Variants in NFATC3 observed in about 807,000 individuals in gnomAD.
NFATC3 encodes nuclear factor of activated T cells 3.
A neutral mutation model predicts 98.6 loss-of-function variants in NFATC3; 46 were observed. The observed-to-expected ratio is 0.47, with a 90% CI of 0.37 to 0.60. The LOEUF (loss-of-function observed/expected upper bound fraction) is 0.60, where lower values mean the gene tolerates loss of function less well. Ranked by LOEUF, NFATC3 falls within the 20% of genes least tolerant of loss-of-function variation. The probability of loss-of-function intolerance (pLI) is 0.00; values close to 1 mark genes in which losing one functional copy is unlikely to be tolerated. For synonymous variants in NFATC3, 512 were observed against 472.2 expected, an observed-to-expected ratio of 1.08 and a Z score of -1.09; for missense variants, 1,256 against 1,295.5, an observed-to-expected ratio of 0.97 and a Z score of 0.47.
chr16:68,171,715 T>G (rs897557305), intron 5 of NFATC3, among the ~76,000 whole-genome samples: 19 of 152,248 alleles, frequency 1.2e-4, no homozygotes, highest in East Asian at 9.6e-4. Flanking sequence ...CCTCAGGTGA[T>G]CCACCTGCCT....
chr16:68,183,391 T>A (rs2040026359), intron 8 of NFATC3, 25 bp downstream of exon 8: 3 of 1,605,568 alleles, frequency 1.9e-6, no homozygotes, highest in Non-Finnish European at 2.5e-6. Flanking sequence ...GATGGTTTAC[T>A]ATAGAGCTTT....
intron 4 of NFATC3, among the ~76,000 whole-genome samples, chr16:68,163,847 G>A (rs1267841861): frequency 6.6e-6 from 1 of 151,336 alleles, no homozygotes; most frequent in Non-Finnish European, 1.5e-5. Flanking sequence ...ATGGGATGGC[G>A]GCCGGGAAGA....
intron 5 of NFATC3, among the ~76,000 whole-genome samples, chr16:68,173,662 C>T (rs375607773): frequency 4.6e-5 from 7 of 152,102 alleles, no homozygotes; most frequent in East Asian, 1.9e-4. Flanking sequence ...CTTCATTGCA[C>T]GCAATATAAT....
intron 9 of NFATC3, chr16:68,209,770 G>A (rs1008302445): frequency 2.8e-5 from 13 of 460,668 alleles, no homozygotes; most frequent in Non-Finnish European, 4.2e-5. Flanking sequence ...TTGCAGTTGT[G>A]TAGTAGTTGA....
intron 9 of NFATC3, among the ~76,000 whole-genome samples, chr16:68,215,734 T>C (rs1044758505): frequency 4.2e-5 from 6 of 144,104 alleles, no homozygotes; most frequent in Non-Finnish European, 7.6e-5. Flanking sequence ...TTTTTTTTTT[T>C]TTTTTTTTTT....
Position 68,085,768 on chromosome 16 carries a change from G to T in NFATC3, c.87G>T (p.Pro29=). ...GEDGAPAPPP[P]GSRPADLEPD... The stretch of plus-strand genomic sequence containing the variant: ...ACGGGGCGCCGGCGCCGCCGCCCCC[G>T]GGCTCGCGGCCTGCAGGTGGGTGCC... Residue 29 remains proline, a synonymous_variant, in exon 1 of 10, where the codon CCG becomes CCT. Transcript: ENST00000346183. 1 of 1,481,010 alleles carries T rather than the reference G, an allele frequency of 6.8e-7. No individual in the cohort carries two copies. Among genetic ancestry groups the T allele is most frequent in the South Asian group, 1.3e-5 (1 of 79,086 alleles). The allele number at this position is 1,481,010 out of a possible 1,614,324, so 91.7% of individuals were successfully genotyped here.
At chr16:68,197,205 A>G (rs749887414) in intron 9 of NFATC3, among the ~76,000 whole-genome samples, 27 of 151,978 alleles carry the variant, frequency 1.8e-4, no homozygotes, top group Non-Finnish European at 3.5e-4. Flanking sequence ...TGGCCTCTCA[A>G]AGTTCTGGGA....
chr16:68,089,128 A>C, intron 1 of NFATC3: 1 of 985,452 alleles, frequency 1.0e-6, no homozygotes, highest in Non-Finnish European at 1.2e-6. Flanking sequence ...GTGGTTTTAC[A>C]TCTCTGAAGG....
At chr16:68,170,378 TTC>T (rs1409622351) in intron 5 of NFATC3, among the ~76,000 whole-genome samples, 1 of 141,660 alleles carries the variant, frequency 7.1e-6, no homozygotes, top group Non-Finnish European at 1.5e-5. Flanking sequence ...AACAACGAGA[TTC>T]TGTCTCAAAA....
intron 1 of NFATC3, 115 bp downstream of exon 1, chr16:68,085,899 TGC>T (rs2034341635): frequency 3.5e-5 from 25 of 720,600 alleles, no homozygotes; most frequent in South Asian, 4.8e-5. Context: ...TGTGTGTGTG[TGC>T]GCGCGCGTGT....
chr16:68,137,968 CAAAT>C (rs1309595197), intron 3 of NFATC3, among the ~76,000 whole-genome samples: 3 of 151,436 alleles, frequency 2.0e-5, no homozygotes, highest in Non-Finnish European at 2.9e-5. Flanking sequence ...TTTAATTCTC[CAAAT>C]AAACTCTTTT....
intron 1 of NFATC3, among the ~76,000 whole-genome samples, chr16:68,119,546 A>G (rs536030237): frequency 6.6e-6 from 1 of 152,192 alleles, no homozygotes; most frequent in African/African-American, 2.4e-5. Flanking sequence ...CTCATACAGT[A>G]CACTTCAACA....
chr16:68,202,424 C>T (rs1319328148), intron 9 of NFATC3, among the ~76,000 whole-genome samples: 1 of 152,148 alleles, frequency 6.6e-6, no homozygotes, highest in Non-Finnish European at 1.5e-5. Flanking sequence ...ATGTGGGAAG[C>T]AGGAGACTGG....
intron 1 of NFATC3, among the ~76,000 whole-genome samples, chr16:68,088,036 A>C (rs560781894): frequency 6.6e-6 from 1 of 152,304 alleles, no homozygotes; most frequent in East Asian, 1.9e-4. Context: ...TGTTCACAAA[A>C]TAAGTTTTCA....
chr16:68,105,864 C>T (rs1019130448), intron 1 of NFATC3, among the ~76,000 whole-genome samples: 5 of 151,826 alleles, frequency 3.3e-5, no homozygotes, highest in South Asian at 2.1e-4. Flanking sequence ...TGTTGGTGTA[C>T]GATTGTTCAT....
At chr16:68,089,169 C>T in intron 1 of NFATC3, 1 of 985,352 alleles carries the variant, frequency 1.0e-6, no homozygotes. Flanking sequence ...AACTAAATTT[C>T]CATACAGTGA....
At chr16:68,166,270 A>G (rs538208366) in intron 4 of NFATC3, among the ~76,000 whole-genome samples, 1 of 152,330 alleles carries the variant, frequency 6.6e-6, no homozygotes, top group African/African-American at 2.4e-5. Context: ...CAACTGGTCC[A>G]TTCACATGGT....
At chr16:68,176,984 CT>C (rs2039740369) in intron 6 of NFATC3, among the ~76,000 whole-genome samples, 1 of 148,044 alleles carries the variant, frequency 6.8e-6, no homozygotes, top group Non-Finnish European at 1.5e-5. Context: ...TTTGTTTCTT[CT>C]TGAGTTTGTT....
chr16:68,115,136 T>C (rs2036205178), intron 1 of NFATC3, among the ~76,000 whole-genome samples: 1 of 151,986 alleles, frequency 6.6e-6, no homozygotes, highest in Admixed American at 6.6e-5. Context: ...CAATCTCAGC[T>C]CACTGCAACC....
Sources: allele counts gnomAD v4.1 joint callset (sites outside exome capture counted in the v4.1 genomes callset), GRCh38; gene constraint gnomAD v4.1.1; transcripts MANE v1.5; gene names NCBI Gene and HGNC (gene_info 2026-07-23, HGNC 2026-07-21).